The following PHACTR4 variants were observed in gnomAD, a reference collection of about 807,000 sequenced individuals.
PHACTR4 encodes the protein protein phosphatase 1, regulatory subunit 124.
A neutral mutation model predicts 72.7 loss-of-function variants in PHACTR4; 51 were observed. That is an observed-to-expected ratio of 0.70 (90% CI 0.56 to 0.89). PHACTR4 has a LOEUF of 0.89. Among genes scored for constraint, PHACTR4 ranks in the 40% least tolerant of loss-of-function variants. The probability of loss-of-function intolerance (pLI) is 0.00; values close to 1 mark genes in which losing one functional copy is unlikely to be tolerated. For missense variants in PHACTR4, 731 were observed against 861.8 expected, an observed-to-expected ratio of 0.85 and a Z score of 1.90; for synonymous variants, 255 against 302.5, an observed-to-expected ratio of 0.84 and a Z score of 1.63.
intron 1 of PHACTR4, among the ~76,000 whole-genome samples, chr1:28,370,641 C>T (rs1412026978): frequency 1.3e-5 from 2 of 148,292 alleles, no homozygotes; most frequent in Middle Eastern, 3.3e-3. Context: ...GTGCTTCATT[C>T]GGACACTCAG....
chr1:28,418,414 GA>G (rs1389194828), intron 2 of PHACTR4, among the ~76,000 whole-genome samples: 3 of 151,672 alleles, frequency 2.0e-5, no homozygotes, highest in African/African-American at 7.3e-5. Context: ...CTGGGAGGCA[GA>G]GGTTGCAGTG....
chr1:28,369,994 C>T (rs898220049), intron 1 of PHACTR4, among the ~76,000 whole-genome samples, 169 bp downstream of exon 1: 14 of 152,156 alleles, frequency 9.2e-5, no homozygotes, highest in Admixed American at 3.9e-4. Flanking sequence ...GGGCCGCCGC[C>T]TCCCTCCTCG....
intron 1 of PHACTR4, among the ~76,000 whole-genome samples, chr1:28,396,084 C>T (rs1408706063): frequency 2.0e-5 from 3 of 150,276 alleles, no homozygotes; most frequent in Non-Finnish European, 4.4e-5. Context: ...AAATTAAGTT[C>T]TTTATTAACT....
intron 2 of PHACTR4, among the ~76,000 whole-genome samples, chr1:28,442,991 T>C (rs1248062065): frequency 1.3e-5 from 2 of 152,152 alleles, no homozygotes; most frequent in Non-Finnish European, 2.9e-5. Context: ...ACTATAGTCA[T>C]TCTGCAGTGG....
chr1:28,370,594 G>C (rs1438378634), intron 1 of PHACTR4, among the ~76,000 whole-genome samples: 1 of 137,388 alleles, frequency 7.3e-6, no homozygotes, highest in Non-Finnish European at 1.5e-5. Flanking sequence ...GACTTACAGG[G>C]CATCACTGAT....
chr1:28,480,679 T>G (rs35340518), intron 9 of PHACTR4, 75 bp downstream of exon 9: 58,784 of 1,565,212 alleles, frequency 0.038, 3,391 homozygotes, highest in African/African-American at 0.27. Flanking sequence ...AGATGTGTTG[T>G]TTTTTTGTGT....
At chr1:28,494,617 G>T (rs531206249) in intron 13 of PHACTR4, among the ~76,000 whole-genome samples, 1 of 152,192 alleles carries the variant, frequency 6.6e-6, no homozygotes, top group African/African-American at 2.4e-5. Context: ...GCGCAACTGC[G>T]CTCCAACCTG....
At chr1:28,408,672 T>TATA (rs1557793964) in intron 2 of PHACTR4, among the ~76,000 whole-genome samples, 2 of 148,790 alleles carry the variant, frequency 1.3e-5, no homozygotes, top group African/African-American at 4.9e-5. Context: ...ATATATATAT[T>TATA]TTTTTTTAAT....
intron 13 of PHACTR4, among the ~76,000 whole-genome samples, chr1:28,493,774 C>G (rs1661176997): frequency 6.6e-6 from 1 of 152,158 alleles, no homozygotes; most frequent in Admixed American, 6.6e-5. Flanking sequence ...TTGTACCTTA[C>G]TCTCTCAGGT....
intron 2 of PHACTR4, among the ~76,000 whole-genome samples, chr1:28,440,057 G>C (rs942936956): frequency 6.6e-6 from 1 of 151,896 alleles, no homozygotes; most frequent in Admixed American, 6.6e-5. Flanking sequence ...ATCCCAGCAC[G>C]TTGGGAGGCC....
chr1:28,398,620 A>T (rs1046970285), intron 1 of PHACTR4, among the ~76,000 whole-genome samples: 17 of 152,190 alleles, frequency 1.1e-4, no homozygotes, highest in African/African-American at 4.1e-4. Flanking sequence ...AGAGTTCGAG[A>T]CCAGCCTGGT....
intron 2 of PHACTR4, among the ~76,000 whole-genome samples, chr1:28,426,955 G>T (rs1655906582): frequency 6.6e-6 from 1 of 152,156 alleles, no homozygotes; most frequent in Non-Finnish European, 1.5e-5. Flanking sequence ...TCTCCCATGT[G>T]TAGTCATATG....
At chr1:28,448,782 A>G (rs1373985222) in intron 2 of PHACTR4, among the ~76,000 whole-genome samples, 1 of 145,776 alleles carries the variant, frequency 6.9e-6, no homozygotes, top group African/African-American at 2.6e-5. Context: ...AAAAAAAAAA[A>G]AAACCTGATA....
intron 1 of PHACTR4, among the ~76,000 whole-genome samples, chr1:28,386,327 C>T (rs1652557727): frequency 6.6e-6 from 1 of 152,110 alleles, no homozygotes; most frequent in African/African-American, 2.4e-5. Flanking sequence ...CTCCTGACCT[C>T]AAGTGATCTG....
intron 2 of PHACTR4, chr1:28,453,536 G>A (rs1471362346): frequency 1.6e-6 from 1 of 625,332 alleles, no homozygotes; most frequent in East Asian, 2.7e-5. Context: ...GCTGGGCTGG[G>A]GAAATGGCGG....
chr1:28,473,665 C>T lies in PHACTR4; in HGVS notation c.935C>T (p.Ala312Val). Residue 312 changes from alanine to valine, a missense_variant, in exon 7 of 14, where the codon GCT (alanine) becomes GTT (valine). Coordinates refer to ENST00000373839, the MANE Select transcript of PHACTR4 (RefSeq NM_001048183.3). ...STSVPTLESA[A>V]AITTKTPSDE... is the part of the protein sequence containing the mutation. ...TCAGTACCCACCTTGGAGTCTGCTGCTGCCATCACCACAAAAACACCAAGT... is the reference window on the plus strand; with the variant it reads ...TCAGTACCCACCTTGGAGTCTGCTGTTGCCATCACCACAAAAACACCAAGT... 1 of 1,614,098 alleles carries T rather than the reference C, an allele frequency of 6.2e-7. No homozygotes were observed. Among genetic ancestry groups the T allele is most frequent in the Non-Finnish European group, 8.5e-7 (1 of 1,180,002 alleles).
intron 1 of PHACTR4, among the ~76,000 whole-genome samples, chr1:28,394,344 G>T (rs897386222): frequency 6.6e-6 from 1 of 150,932 alleles, no homozygotes; most frequent in Non-Finnish European, 1.5e-5. Flanking sequence ...AGAGAGAAAG[G>T]AAGGAAAGGA....
At position 28,470,058 on chromosome 1, in the gene PHACTR4, C is replaced by CA. The variant is rs138242663; in HGVS notation, c.823+3303dup. On this transcript the variant is annotated intron_variant, in intron 6 of 13. Coordinates refer to ENST00000373839, the MANE Select transcript of PHACTR4 (RefSeq NM_001048183.3). ...TAGGCAACAGAGCGAGACTCTGTCT[C>CA]AAAAAAAAAAAAATTATTTATGATG... is the stretch of plus-strand genomic sequence containing the variant. Among the ~76,000 whole-genome samples the CA allele has an allele frequency of 3.9e-3, 537 of 139,158 alleles. 2 individuals are homozygous for CA. The highest frequency in any genetic ancestry group is 0.012 in the African/African-American group (449 of 37,662). The allele number at this position is 139,158 out of a possible 152,430, so 91.3% of individuals were successfully genotyped here.
In PHACTR4 at chr1:28,496,785, T is replaced by C. The variant is rs770397518; in HGVS notation, c.*236T>C. The C allele has an allele frequency of 5.2e-6, 3 of 579,104 alleles. No individual in the cohort carries two copies. The highest frequency in any genetic ancestry group is 9.2e-6 in the Non-Finnish European group (3 of 325,370). The allele number at this position is 579,104 out of a possible 1,614,324, so 35.9% of individuals were successfully genotyped here. A position where few individuals can be genotyped will look rare whatever the true frequency, so the allele number is the denominator to read the frequency against. Reference sequence around the variant, plus strand: ...GAACCTTTCAATATTGTAGCATGCTTGAGGAGTTTTTCCCTTACTGGCCAC... The same window carrying C: ...GAACCTTTCAATATTGTAGCATGCTCGAGGAGTTTTTCCCTTACTGGCCAC... On this transcript the variant is annotated 3_prime_UTR_variant, in exon 14 of 14. Transcript: ENST00000373839.
Sources: gnomAD v4.1 joint callset for allele counts (sites outside exome capture counted in the v4.1 genomes callset) on GRCh38, gnomAD v4.1.1 for gene constraint, MANE v1.5 for transcripts, NCBI Gene and HGNC (gene_info 2026-07-23, HGNC 2026-07-21) for gene names.